Variants in ZNF98 observed in about 807,000 individuals in gnomAD.
ZNF98 encodes the protein zinc finger protein 98.
A neutral mutation model predicts 12.8 loss-of-function variants in ZNF98; 8 were observed. The observed-to-expected ratio is 0.63, with a 90% CI of 0.37 to 1.13. The LOEUF (loss-of-function observed/expected upper bound fraction) is 1.13. Among genes scored for constraint, ZNF98 ranks in the 50% most tolerant of loss-of-function variants. The pLI is 0.01. For synonymous variants in ZNF98, 112 were observed against 223.5 expected (o/e 0.50, Z 4.45); for missense variants, 379 against 666.1 (o/e 0.57, Z 4.74).
At chr19:22,394,496 C>T (rs1480516962) in intron 3 of ZNF98, among the ~76,000 whole-genome samples, 1 of 152,112 alleles carries the variant, frequency 6.6e-6, no homozygotes, top group Non-Finnish European at 1.5e-5. Context: ...CTACAGAATA[C>T]TATGTATTCA....
At chr19:22,396,357 C>G (rs1969394013) in intron 3 of ZNF98, among the ~76,000 whole-genome samples, 3 of 151,642 alleles carry the variant, frequency 2.0e-5, no homozygotes, top group African/African-American at 7.3e-5. Context: ...TTTATGGAAC[C>G]CCCAAGGTGC....
At chr19:22,412,278 A>C (rs1969588669) in intron 1 of ZNF98, among the ~76,000 whole-genome samples, 1 of 152,238 alleles carries the variant, frequency 6.6e-6, no homozygotes, top group Non-Finnish European at 1.5e-5. Flanking sequence ...AATCACTTGA[A>C]TTATACAAGT....
intron 1 of ZNF98, among the ~76,000 whole-genome samples, chr19:22,405,550 G>A (rs201761157): frequency 1.7e-3 from 264 of 152,236 alleles, no homozygotes; most frequent in Non-Finnish European, 3.2e-3. Flanking sequence ...CTACTTAGCC[G>A]ACAAAACCAT....
At chr19:22,417,740 C>A (rs749597314) in intron 1 of ZNF98, among the ~76,000 whole-genome samples, 29 of 152,068 alleles carry the variant, frequency 1.9e-4, no homozygotes, top group Non-Finnish European at 4.1e-4. Context: ...ACACTAGAAT[C>A]AAAAATGCTG....
chr19:22,397,220 G>GTA (rs1448709394), intron 3 of ZNF98, among the ~76,000 whole-genome samples: 1 of 151,562 alleles, frequency 6.6e-6, no homozygotes, highest in East Asian at 1.9e-4. Flanking sequence ...TTTTGTGTGT[G>GTA]TGTGTGTGTG....
intron 1 of ZNF98, among the ~76,000 whole-genome samples, chr19:22,407,804 C>T (rs1466431877): frequency 6.6e-6 from 1 of 151,962 alleles, no homozygotes; most frequent in Non-Finnish European, 1.5e-5. Context: ...GGCGCGGTAG[C>T]TCACGCCTGT....
intron 3 of ZNF98, among the ~76,000 whole-genome samples, chr19:22,397,084 A>G (rs867056886): frequency 6.6e-6 from 1 of 151,124 alleles, no homozygotes; most frequent in African/African-American, 2.4e-5. Flanking sequence ...ACACCACTGC[A>G]CTCCAGCCTG....
intron 3 of ZNF98, among the ~76,000 whole-genome samples, chr19:22,396,413 TAAGTA>T (rs1195783701): frequency 6.6e-6 from 1 of 151,584 alleles, no homozygotes; most frequent in East Asian, 1.9e-4. Flanking sequence ...GAATTAGAAA[TAAGTA>T]AAAGCATATC....
chr19:22,402,108 A>C (rs1217406048), intron 3 of ZNF98, among the ~76,000 whole-genome samples: 2 of 148,040 alleles, frequency 1.4e-5, no homozygotes, highest in African/African-American at 5.0e-5. Context: ...CCCAGGAGGC[A>C]GAGATTGCAG....
intron 2 of ZNF98, 148 bp from the exon 3 acceptor site, chr19:22,403,032 AT>A (rs1969476831): frequency 1.6e-6 from 1 of 625,810 alleles, no homozygotes; most frequent in Non-Finnish European, 2.5e-6. Flanking sequence ...TATTTAGGAA[AT>A]ATTTTAATTT....
intron 3 of ZNF98, 32 bp from the exon 4 acceptor site, chr19:22,393,013 C>A: frequency 6.9e-7 from 1 of 1,451,798 alleles, no homozygotes. Flanking sequence ...AATTACTTCA[C>A]TTACTAGACT....
Position 22,422,325 on chromosome 19 carries a change from G to T in ZNF98, c.-101C>A, listed in dbSNP as rs901868337. 1.4e-6 allele frequency: 2 copies of T among 1,426,928 alleles called. No individual in the cohort carries two copies. Among genetic ancestry groups the T allele is most frequent in the South Asian group, 1.1e-5 (1 of 87,672 alleles). 88.4% of individuals were successfully genotyped at this position (1,426,928 alleles called of 1,614,324 possible). ...GGGCGAAGACGAGACCAGGAACTCC[G>T]GCTGCAGCGAGAGACAAAGACCCCG... On this transcript the variant is annotated 5_prime_UTR_variant, in exon 1 of 4. Coordinates refer to ENST00000357774, the MANE Select transcript of ZNF98 (RefSeq NM_001098626.2).
chr19:22,401,181 G>T (rs2145112401), intron 3 of ZNF98, among the ~76,000 whole-genome samples: 1 of 149,864 alleles, frequency 6.7e-6, no homozygotes, highest in Non-Finnish European at 1.5e-5. Context: ...TAGATCATTT[G>T]ATCTTGTATA....
Position 22,392,846 on chromosome 19 carries a change from T to A in ZNF98, c.389A>T (p.Asp130Val). 6.2e-7 allele frequency: 1 copy of A among 1,611,910 alleles called. No homozygotes were observed. The highest frequency in any genetic ancestry group is 8.5e-7 in the Non-Finnish European group (1 of 1,179,320). ...LQLRKYCKSM[D>V]ECKVHKECYN... ...ACATTCTTTGTGCACCTTACACTCA[T>A]CCATGCTTTTACAGTATTTTCTTAA... is the stretch of plus-strand genomic sequence containing the variant. The change falls in exon 4 of 4, where the codon GAT (aspartate) becomes GTT (valine). Residue 130 changes from aspartate to valine, a missense_variant. By Grantham distance (152) the Asp-to-Val change is radical (BLOSUM62 -3). Transcript: ENST00000357774.
At chr19:22,406,519 A>G (rs1969520608) in intron 1 of ZNF98, among the ~76,000 whole-genome samples, 1 of 152,110 alleles carries the variant, frequency 6.6e-6, no homozygotes, top group Non-Finnish European at 1.5e-5. Context: ...AGAAAGAATT[A>G]ATGAAAAAAA....
At chr19:22,411,580 G>A (rs2145119563) in intron 1 of ZNF98, among the ~76,000 whole-genome samples, 1 of 152,206 alleles carries the variant, frequency 6.6e-6, no homozygotes, top group South Asian at 2.1e-4. Flanking sequence ...ACAAAGCTAT[G>A]AATCTCAGGT....
At chr19:22,398,065 A>G (rs2145110250) in intron 3 of ZNF98, among the ~76,000 whole-genome samples, 1 of 151,700 alleles carries the variant, frequency 6.6e-6, no homozygotes, top group African/African-American at 2.4e-5. Context: ...AATTTCGGTC[A>G]CCAAATCGTT....
intron 3 of ZNF98, chr19:22,402,264 G>C: frequency 4.0e-6 from 1 of 247,984 alleles, no homozygotes; most frequent in Non-Finnish European, 7.5e-6. Context: ...AAGCAATCTT[G>C]AAAAAAAAAG....
intron 1 of ZNF98, among the ~76,000 whole-genome samples, chr19:22,419,910 C>T (rs1422750020): frequency 6.6e-6 from 1 of 152,066 alleles, no homozygotes; most frequent in Non-Finnish European, 1.5e-5. Flanking sequence ...GTAGTCCCAG[C>T]ACTTTGGGAG....
Sources: allele counts gnomAD v4.1 joint callset (sites outside exome capture counted in the v4.1 genomes callset), GRCh38; gene constraint gnomAD v4.1.1; transcripts MANE v1.5; gene names NCBI Gene and HGNC (gene_info 2026-07-23, HGNC 2026-07-21).